Variants in SLC25A34 observed in about 807,000 individuals in gnomAD.
SLC25A34 encodes the protein solute carrier family 25 member 34.
A neutral mutation model predicts 28.1 loss-of-function variants in SLC25A34; 26 were observed. That is an observed-to-expected ratio of 0.93 (90% CI 0.68 to 1.28). SLC25A34 has a LOEUF of 1.28. SLC25A34 is among the 50% of genes most tolerant of loss of function. SLC25A34 has a pLI of 0.00. For synonymous variants in SLC25A34, 182 were observed against 182.2 expected (o/e 1.00, Z 0.01); for missense variants, 384 against 409.8 (o/e 0.94, Z 0.54).
In SLC25A34 at chr1:15,739,210, A is replaced by C. The variant is rs749843049; in HGVS notation, c.733-14A>C. The C allele has an allele frequency of 1.2e-5, 20 of 1,611,156 alleles. No homozygotes were observed. Among genetic ancestry groups the C allele is most frequent in the Non-Finnish European group, 1.7e-5 (20 of 1,179,022 alleles). ...AGGCCCCTGTAGTAACACTCACCCCATGTCTTTCCCCAGGGCCAGCTCTAT... is the reference window on the plus strand; with the variant it reads ...AGGCCCCTGTAGTAACACTCACCCCCTGTCTTTCCCCAGGGCCAGCTCTAT... On this transcript the variant is annotated splice_polypyrimidine_tract_variant and intron_variant, in intron 4 of 4. Coordinates refer to ENST00000294454, the MANE Select transcript of SLC25A34 (RefSeq NM_207348.3).
In SLC25A34 at chr1:15,737,959, G is replaced by A; in HGVS notation, c.409G>A (p.Ala137Thr). 6.2e-7 allele frequency: 1 copy of A among 1,613,972 alleles called. No homozygotes were observed. The highest frequency in any genetic ancestry group is 8.5e-7 in the Non-Finnish European group (1 of 1,180,024). ...AACGCAGCTGCAAGCTCAGACAGTG[G>A]CCGCAGTGGCCGTGGGACACCAGCA... is the stretch of plus-strand genomic sequence containing the variant. ...IKTQLQAQTV[A>T]AVAVGHQHNH... Residue 137 changes from alanine to threonine, a missense_variant, in exon 2 of 5, where the codon GCC becomes ACC. Physicochemically the swap from Ala to Thr is moderately conservative, Grantham distance 58. Transcript: ENST00000294454.
intron 3 of SLC25A34, 70 bp downstream of exon 3, chr1:15,738,315 T>C: frequency 6.6e-7 from 1 of 1,511,768 alleles, no homozygotes; most frequent in Non-Finnish European, 8.8e-7. Flanking sequence ...CCTGCCTCCT[T>C]CCACACGGGG....
At chr1:15,739,035 A>G (rs2068254814) in intron 4 of SLC25A34, 189 bp from the exon 5 acceptor site, 1 of 713,810 alleles carries the variant, frequency 1.4e-6, no homozygotes, top group South Asian at 2.2e-5. Flanking sequence ...TGGTAAGGGG[A>G]GGAGCCAGAA....
Position 15,736,390 on chromosome 1 carries a change from G to T in SLC25A34, c.-96G>T. 1 of 1,303,078 alleles carries T rather than the reference G, an allele frequency of 7.7e-7. No homozygotes were observed. Among genetic ancestry groups the T allele is most frequent in the Non-Finnish European group, 9.8e-7 (1 of 1,020,106 alleles). The allele number at this position is 1,303,078 out of a possible 1,614,324, so 80.7% of individuals were successfully genotyped here. On this transcript the variant is annotated 5_prime_UTR_variant, in exon 1 of 5. Transcript: ENST00000294454. ...TCGGTCCCCTGCAAACCCCAGCCCCGTAGCCCTGCGAGGTTACAGACAGCC... is the reference window on the plus strand; with the variant it reads ...TCGGTCCCCTGCAAACCCCAGCCCCTTAGCCCTGCGAGGTTACAGACAGCC...
At position 15,736,345 on chromosome 1, in the gene SLC25A34, CT is replaced by C; in HGVS notation, c.-139del. On this transcript the variant is annotated 5_prime_UTR_variant, in exon 1 of 5. Coordinates refer to ENST00000294454, the MANE Select transcript of SLC25A34 (RefSeq NM_207348.3). ...GCCACAGGCCTGTCAGACCAGGACC[CT>C]TACCCTCTAGACATGGCCTCGGTCC... 1 of 905,824 alleles carries C rather than the reference CT, an allele frequency of 1.1e-6. No individual in the cohort carries two copies. The highest frequency in any genetic ancestry group is 1.5e-6 in the Non-Finnish European group (1 of 674,060). The allele number at this position is 905,824 out of a possible 1,614,324, so 56.1% of individuals were successfully genotyped here.
Position 15,738,593 on chromosome 1 carries a change from G to C in SLC25A34, c.598-1G>C, listed in dbSNP as rs2068248823. The C allele has an allele frequency of 1.9e-6, 3 of 1,605,206 alleles. No homozygotes were observed. The African/African-American group carries it at 4.0e-5, about 22-fold the overall frequency. ...GATCAGCACCTGTGCCATCCCCACA[G>C]TGGCTCCCTGAGGACAGCTGGCTGG... On this transcript the variant is annotated splice_acceptor_variant, in intron 3 of 4. Coordinates refer to ENST00000294454, the MANE Select transcript of SLC25A34 (RefSeq NM_207348.3). LOFTEE classifies it high-confidence loss of function.
intron 4 of SLC25A34, 86 bp downstream of exon 4, chr1:15,738,814 T>C: frequency 1.7e-6 from 1 of 580,374 alleles, no homozygotes; most frequent in Admixed American, 6.6e-5. Context: ...TCTCACACAC[T>C]CACACTCACA....
Position 15,739,509 on chromosome 1 carries a change from G to T in SLC25A34, c.*103G>T. 1 of 1,373,778 alleles carries T rather than the reference G, an allele frequency of 7.3e-7. No individual in the cohort carries two copies. The highest frequency in any genetic ancestry group is 1.6e-5 in the South Asian group (1 of 64,462). 85.1% of individuals were successfully genotyped at this position (1,373,778 alleles called of 1,614,324 possible). A position where few individuals can be genotyped will look rare whatever the true frequency, so the allele number is the denominator to read the frequency against. On this transcript the variant is annotated 3_prime_UTR_variant, in exon 5 of 5. Coordinates refer to ENST00000294454, the MANE Select transcript of SLC25A34 (RefSeq NM_207348.3). ...GTCCCGGGGCGGGCCATGGGCCCAG[G>T]CCCTGCCAGAGGTCCCGGGAGAGTG...
In SLC25A34 at chr1:15,738,560, G is replaced by A. The variant is rs374087396; in HGVS notation, c.598-34G>A. 22 of 1,592,558 alleles carry A rather than the reference G, an allele frequency of 1.4e-5. No individual in the cohort carries two copies. In the African/African-American group the frequency reaches 1.8e-4, roughly 13 times the overall value. ...GCACGACGTGGGTGGGTAGAGAGCTGTTGCAGGGATCAGCACCTGTGCCAT... is the reference window on the plus strand; with the variant it reads ...GCACGACGTGGGTGGGTAGAGAGCTATTGCAGGGATCAGCACCTGTGCCAT... On this transcript the variant is annotated intron_variant, in intron 3 of 4. Transcript: ENST00000294454.
Position 15,740,008 on chromosome 1 carries a change from A to AT in SLC25A34, c.*605dup, listed in dbSNP as rs1409279213. On this transcript the variant is annotated 3_prime_UTR_variant, in exon 5 of 5. Transcript: ENST00000294454. Reference sequence around the variant, plus strand: ...AGGCTGTGGCGTCGTCACCTGCCTTATTTGCTGGAGAAGCTGTAGCAAAGA... The same window carrying AT: ...AGGCTGTGGCGTCGTCACCTGCCTTATTTTGCTGGAGAAGCTGTAGCAAAGA... 1 of 152,244 alleles carries AT rather than the reference A, an allele frequency of 6.6e-6. No homozygotes were observed. The highest frequency in any genetic ancestry group is 1.5e-5 in the Non-Finnish European group (1 of 68,062). The allele number at this position is 152,244 out of a possible 1,614,324, so 9.4% of individuals were successfully genotyped here. A position where few individuals can be genotyped will look rare whatever the true frequency, so the allele number is the denominator to read the frequency against.
At position 15,739,229 on chromosome 1, in the gene SLC25A34, G is replaced by A; in HGVS notation, c.738G>A (p.Gln246=). The A allele has an allele frequency of 6.2e-7, 1 of 1,612,336 alleles. No individual in the cohort carries two copies. The highest frequency in any genetic ancestry group is 8.5e-7 in the Non-Finnish European group (1 of 1,179,432). ...NQPVDTAGRG[Q]LYGGLTDCMV... is the part of the protein sequence containing the mutation. Reference sequence around the variant, plus strand: ...CACCCCATGTCTTTCCCCAGGGCCAGCTCTATGGGGGCCTCACCGACTGCA... The same window carrying A: ...CACCCCATGTCTTTCCCCAGGGCCAACTCTATGGGGGCCTCACCGACTGCA... The change falls in exon 5 of 5, where the codon CAG becomes CAA. Residue 246 remains glutamine, a synonymous_variant. Transcript: ENST00000294454.
chr1:15,736,946 G>T, intron 1 of SLC25A34, 83 bp downstream of exon 1: 2 of 1,422,854 alleles, frequency 1.4e-6, no homozygotes, highest in Non-Finnish European at 1.8e-6. Flanking sequence ...CAAAGGCAGG[G>T]CTCAGTGGAC....
rs760087602 is a variant in SLC25A34, at chr1:15,738,198, C to A, written c.550C>A (p.Gln184Lys). 3 of 1,605,252 alleles carry A rather than the reference C, an allele frequency of 1.9e-6. No individual in the cohort carries two copies. Among genetic ancestry groups the A allele is most frequent in the South Asian group, 2.2e-5 (2 of 89,770 alleles). Reference protein sequence around the residue: ...VPRVMVGSAAQLATFASAKAW... With the variant: ...VPRVMVGSAAKLATFASAKAW... ...CCGAGTCATGGTGGGCTCAGCTGCC[C>A]AGCTGGCCACCTTCGCCTCTGCCAA... The change falls in exon 3 of 5, where the codon CAG (glutamine) becomes AAG (lysine). Residue 184 changes from glutamine (Q) to lysine (K), a missense_variant. By Grantham distance (53) the Gln-to-Lys change is moderately conservative (BLOSUM62 1). Coordinates refer to ENST00000294454, the MANE Select transcript of SLC25A34 (RefSeq NM_207348.3).
Position 15,736,416 on chromosome 1 carries a change from T to G in SLC25A34, c.-70T>G. On this transcript the variant is annotated 5_prime_UTR_variant, in exon 1 of 5. It removes the in-frame stop codon of an upstream open reading frame in the 5' UTR. Coordinates refer to ENST00000294454, the MANE Select transcript of SLC25A34 (RefSeq NM_207348.3). The stretch of plus-strand genomic sequence containing the variant: ...TAGCCCTGCGAGGTTACAGACAGCC[T>G]AAACGCCACCACCACAGGGCCTGTG... 2 of 1,371,196 alleles carry G rather than the reference T, an allele frequency of 1.5e-6. No homozygotes were observed. Among genetic ancestry groups the G allele is most frequent in the Non-Finnish European group, 1.9e-6 (2 of 1,067,066 alleles). The allele number at this position is 1,371,196 out of a possible 1,614,324, so 84.9% of individuals were successfully genotyped here.
intron 1 of SLC25A34, chr1:15,737,725 G>A (rs1374630340): frequency 3.4e-6 from 2 of 591,010 alleles, no homozygotes; most frequent in Non-Finnish European, 6.0e-6. Flanking sequence ...TAAGTAACTT[G>A]CTCCAAGTCA....
chr1:15,739,112 A>G (rs1044498326), intron 4 of SLC25A34, 112 bp from the exon 5 acceptor site: 10 of 1,347,912 alleles, frequency 7.4e-6, no homozygotes, highest in South Asian at 1.4e-5. Context: ...GTCCAATACA[A>G]AGGTGCTGTC....
In SLC25A34 at chr1:15,738,590, A is replaced by T; in HGVS notation, c.598-4A>T. The T allele has an allele frequency of 6.2e-7, 1 of 1,605,014 alleles. No homozygotes were observed. The highest frequency in any genetic ancestry group is 8.5e-7 in the Non-Finnish European group (1 of 1,177,292). On this transcript the variant is annotated splice_region_variant and splice_polypyrimidine_tract_variant and intron_variant, in intron 3 of 4. Transcript: ENST00000294454. ...AGGGATCAGCACCTGTGCCATCCCC[A>T]CAGTGGCTCCCTGAGGACAGCTGGC...
Position 15,739,357 on chromosome 1 carries a change from G to A in SLC25A34, c.866G>A (p.Trp289Ter). 2 of 1,586,558 alleles carry A rather than the reference G, an allele frequency of 1.3e-6. No individual in the cohort carries two copies. Among genetic ancestry groups the A allele is most frequent in the Non-Finnish European group, 1.7e-6 (2 of 1,166,000 alleles). Residue 289 changes from tryptophan to a stop codon, truncating the protein, a stop_gained, in exon 5 of 5, where the codon TGG (tryptophan) becomes TAG (stop). Transcript: ENST00000294454. LOFTEE classifies it high-confidence loss of function. ...GPHTILSMLFWDELRKLAGRA... is the reference protein window; with the variant it reads ...GPHTILSMLF ...CACACCATCCTCAGCATGCTCTTCTGGGACGAGCTTCGGAAACTGGCTGGG... is the reference window on the plus strand; with the variant it reads ...CACACCATCCTCAGCATGCTCTTCTAGGACGAGCTTCGGAAACTGGCTGGG...
intron 3 of SLC25A34, 152 bp downstream of exon 3, chr1:15,738,397 G>GC (rs2068247020): frequency 3.8e-6 from 5 of 1,314,840 alleles, no homozygotes; most frequent in Non-Finnish European, 5.1e-6. Flanking sequence ...CTTGGTACCA[G>GC]CAGGAGTGTG....
Sources: gnomAD v4.1 joint callset for allele counts on GRCh38, gnomAD v4.1.1 for gene constraint, MANE v1.5 for transcripts, NCBI Gene and HGNC (gene_info 2026-07-23, HGNC 2026-07-21) for gene names.